The following UPP2 variants were observed in gnomAD, a reference collection of about 807,000 sequenced individuals.
UPP2 encodes uridine phosphorylase 2.
In UPP2, 23 loss-of-function variants were observed where a neutral mutation model predicts 26.7. The observed-to-expected ratio is 0.86, with a 90% CI of 0.62 to 1.22. The LOEUF (loss-of-function observed/expected upper bound fraction) is 1.22. UPP2 is among the 50% of genes most tolerant of loss of function. The probability of loss-of-function intolerance (pLI) is 0.00; values close to 1 mark genes in which losing one functional copy is unlikely to be tolerated. For missense variants in UPP2, 387 were observed against 396.7 expected (o/e 0.98, Z 0.21); for synonymous variants, 127 against 141.3 (o/e 0.90, Z 0.72).
At chr2:158,112,354 G>A (rs549942305) in intron 2 of UPP2, among the ~76,000 whole-genome samples, 7 of 151,964 alleles carry the variant, frequency 4.6e-5, no homozygotes, top group Non-Finnish European at 1.0e-4. Context: ...AATTTATTGT[G>A]AAAAGAATCA....
chr2:158,082,337 GCCTTTT>G, intron 3 of UPP2, among the ~76,000 whole-genome samples: 1 of 151,706 alleles, frequency 6.6e-6, no homozygotes, highest in African/African-American at 2.4e-5. Flanking sequence ...CCAACGTGTA[GCCTTTT>G]ATCGCTTACC....
intron 3 of UPP2, among the ~76,000 whole-genome samples, chr2:158,051,738 G>A (rs1346949845): frequency 1.3e-5 from 2 of 151,914 alleles, no homozygotes; most frequent in Admixed American, 1.3e-4. Context: ...CCGAGTTCAT[G>A]CCACTGCACT....
At position 158,135,622 on chromosome 2, in the gene UPP2, G is replaced by C. The variant is rs1683915567; in HGVS notation, c.*732G>C. ...GTAAAAAAAGTGTTTTGAGGAGGCT[G>C]TATTTTTTATTCCATTTCAATATTA... On this transcript the variant is annotated 3_prime_UTR_variant, in exon 7 of 7. Transcript: ENST00000005756. 6.6e-6 allele frequency: 1 copy of C among 152,170 alleles called. No individual in the cohort carries two copies. Among genetic ancestry groups the C allele is most frequent in the Non-Finnish European group, 1.5e-5 (1 of 68,024 alleles). The allele number at this position is 152,170 out of a possible 1,614,324, so 9.4% of individuals were successfully genotyped here.
chr2:158,086,394 T>C (rs1682815378), intron 3 of UPP2, among the ~76,000 whole-genome samples: 2 of 152,174 alleles, frequency 1.3e-5, no homozygotes, highest in Admixed American at 6.5e-5. Context: ...TTTTCTTGTT[T>C]CATCTCACTA....
At chr2:158,091,828 G>T (rs113833776) in intron 3 of UPP2, among the ~76,000 whole-genome samples, 54 of 152,254 alleles carry the variant, frequency 3.5e-4, no homozygotes, top group Non-Finnish European at 7.2e-4. Context: ...TGAACAACTG[G>T]CACATTGTCA....
chr2:158,112,852 A>G (rs1574299553), intron 2 of UPP2, among the ~76,000 whole-genome samples: 3 of 152,186 alleles, frequency 2.0e-5, no homozygotes, highest in Non-Finnish European at 1.5e-5. Context: ...TTTTCTGGCA[A>G]TCATTAGGCA....
intron 2 of UPP2, among the ~76,000 whole-genome samples, chr2:158,109,226 A>G (rs1365431132): frequency 6.6e-6 from 1 of 152,134 alleles, no homozygotes; most frequent in Non-Finnish European, 1.5e-5. Flanking sequence ...CATTATTAAT[A>G]CCATTATCTT....
intron 2 of UPP2, among the ~76,000 whole-genome samples, chr2:158,003,593 A>G (rs181793834): frequency 4.6e-4 from 70 of 152,106 alleles, no homozygotes; most frequent in African/African-American, 1.6e-3. Flanking sequence ...TTGTAATCCC[A>G]GCTATGTGGG....
At chr2:158,045,580 G>A (rs1022581612) in intron 3 of UPP2, among the ~76,000 whole-genome samples, 1 of 152,148 alleles carries the variant, frequency 6.6e-6, no homozygotes, top group African/African-American at 2.4e-5. Context: ...ACTTCATCAA[G>A]TTGTCCACCT....
At chr2:158,133,578 C>A (rs896315679) in intron 6 of UPP2, 5 of 152,106 alleles carry the variant, frequency 3.3e-5, no homozygotes, top group Non-Finnish European at 5.9e-5. Flanking sequence ...CTAATTTAAT[C>A]ATTTCACAAT....
intron 2 of UPP2, among the ~76,000 whole-genome samples, chr2:158,003,082 C>T (rs56319930): frequency 0.12 from 17,551 of 152,124 alleles, 1,402 homozygotes; most frequent in African/African-American, 0.22. Flanking sequence ...ATGGAGCCAC[C>T]TCCTCATGGC....
intron 3 of UPP2, among the ~76,000 whole-genome samples, chr2:158,082,540 C>A (rs748942199): frequency 1.2e-4 from 18 of 152,204 alleles, no homozygotes; most frequent in Non-Finnish European, 2.2e-4. Flanking sequence ...CTTCCTTACA[C>A]CTTATACAAA....
At position 158,134,871 on chromosome 2, in the gene UPP2, G is replaced by A. The variant is rs779353991; in HGVS notation, c.935G>A (p.Arg312Gln). ...QLLISNFIRR[R>Q]LGLCD ...CTAATCTCCAACTTCATCAGACGGCGGCTTGGACTTTGTGACTAGACGTCC... is the reference window on the plus strand; with the variant it reads ...CTAATCTCCAACTTCATCAGACGGCAGCTTGGACTTTGTGACTAGACGTCC... Residue 312 changes from arginine (R) to glutamine (Q), a missense_variant, in exon 7 of 7, where the codon CGG (arginine) becomes CAG (glutamine). Coordinates refer to ENST00000005756, the MANE Select transcript of UPP2 (RefSeq NM_173355.4). 71 of 1,613,136 alleles carry A rather than the reference G, an allele frequency of 4.4e-5. No individual in the cohort carries two copies. Among genetic ancestry groups the A allele is most frequent in the African/African-American group, 2.7e-5 (2 of 74,872 alleles).
chr2:157,999,876 G>C (rs1183519998), intron 2 of UPP2, among the ~76,000 whole-genome samples: 2 of 152,078 alleles, frequency 1.3e-5, no homozygotes, highest in Non-Finnish European at 2.9e-5. Flanking sequence ...GTGTGAGAGA[G>C]AATAAGAGAA....
At chr2:158,004,110 C>T (rs965499198) in intron 2 of UPP2, among the ~76,000 whole-genome samples, 2 of 152,110 alleles carry the variant, frequency 1.3e-5, no homozygotes, top group Non-Finnish European at 2.9e-5. Flanking sequence ...GAAAAGCTTA[C>T]AATGAACACT....
At chr2:158,005,937 CCTT>C (rs1683480444) in intron 2 of UPP2, among the ~76,000 whole-genome samples, 1 of 152,246 alleles carries the variant, frequency 6.6e-6, no homozygotes, top group Non-Finnish European at 1.5e-5. Flanking sequence ...AAGCTTCTCT[CCTT>C]CTCTATCCTG....
At chr2:158,051,166 T>TGC (rs1015845360) in intron 3 of UPP2, among the ~76,000 whole-genome samples, 7 of 58,938 alleles carry the variant, frequency 1.2e-4, no homozygotes, top group Admixed American at 5.5e-4. Context: ...TATGTGTGTG[T>TGC]GTGTGTGTGT....
chr2:158,106,096 C>T lies in UPP2; in HGVS notation c.63-3C>T, dbSNP rs1018635425. The stretch of plus-strand genomic sequence containing the variant: ...ATCTTCTTTGTATAATTTTTTTTTC[C>T]AGAAAAAGGTTTGTTCACGTTAAAA... On this transcript the variant is annotated splice_region_variant and splice_polypyrimidine_tract_variant and intron_variant, in intron 1 of 6. Transcript: ENST00000005756. 3 of 1,560,668 alleles carry T rather than the reference C, an allele frequency of 1.9e-6. No individual in the cohort carries two copies. Among genetic ancestry groups the T allele is most frequent in the African/African-American group, 2.8e-5 (2 of 71,518 alleles).
intron 3 of UPP2, among the ~76,000 whole-genome samples, chr2:158,040,798 A>G (rs1277167362): frequency 6.6e-6 from 1 of 152,210 alleles, no homozygotes; most frequent in Non-Finnish European, 1.5e-5. Context: ...TTGTAAATAA[A>G]TTTGGTGGCT....
Sources: gnomAD v4.1 joint callset for allele counts (sites outside exome capture counted in the v4.1 genomes callset) on GRCh38, gnomAD v4.1.1 for gene constraint, MANE v1.5 for transcripts, NCBI Gene and HGNC (gene_info 2026-07-23, HGNC 2026-07-21) for gene names.